The following MKLN1 variants were observed in gnomAD, a reference collection of about 807,000 sequenced individuals.
MKLN1 encodes the protein muskelin 1, also known as muskelin.
A neutral mutation model predicts 99.0 loss-of-function variants in MKLN1; 18 were observed. The observed-to-expected ratio is 0.18, with a 90% CI of 0.13 to 0.27. The LOEUF (loss-of-function observed/expected upper bound fraction) is 0.27, where lower values mean the gene tolerates loss of function less well. MKLN1 is among the 10% of genes least tolerant of loss of function. The pLI, the probability that MKLN1 is intolerant of heterozygous loss-of-function variation, is 1.00. For synonymous variants in MKLN1, 288 were observed against 293.2 expected (o/e 0.98, Z 0.18); for missense variants, 621 against 875.9 (o/e 0.71, Z 3.67).
At chr7:131,328,260 A>C (rs1326693936) in intron 1 of MKLN1, 2 of 470,756 alleles carry the variant, frequency 4.2e-6, no homozygotes, top group African/African-American at 4.0e-5. Context: ...CCGGAAGCCC[A>C]GCGGTTCTGC....
chr7:131,205,450 G>T (rs1796795780), intron 3 of MKLN1, among the ~76,000 whole-genome samples: 1 of 152,148 alleles, frequency 6.6e-6, no homozygotes, highest in African/African-American at 2.4e-5. Flanking sequence ...AACTGAAGGG[G>T]TGTATTAGTT....
chr7:131,111,886 G>A (rs778667148), intron 1 of MKLN1, among the ~76,000 whole-genome samples: 3 of 152,216 alleles, frequency 2.0e-5, no homozygotes, highest in African/African-American at 7.2e-5. Flanking sequence ...GTAATTTTGG[G>A]TTAGCATTGT....
chr7:131,287,831 G>A (rs761590951), intron 3 of MKLN1, among the ~76,000 whole-genome samples: 8 of 152,168 alleles, frequency 5.3e-5, no homozygotes, highest in South Asian at 2.1e-4. Flanking sequence ...TGCTGTTCTC[G>A]TGATAGTGAG....
rs1007455155 is a variant in MKLN1, at chr7:131,389,912, T to A, written c.400+940T>A. 2.3e-3 allele frequency among the ~76,000 whole-genome samples: 349 copies of A among 151,028 alleles called. 1 individual carries two copies. The highest frequency in any genetic ancestry group is 8.1e-3 in the African/African-American group (335 of 41,126). On this transcript the variant is annotated intron_variant, in intron 4 of 17. Coordinates refer to ENST00000352689, the MANE Select transcript of MKLN1 (RefSeq NM_013255.5). ...TCCAAAAAAAAAACCAAAAAAAAAA[T>A]ACTTCTAATTTATAACCATGTTGCA...
At chr7:131,172,926 C>T (rs1327936574) in intron 2 of MKLN1, among the ~76,000 whole-genome samples, 1 of 152,098 alleles carries the variant, frequency 6.6e-6, no homozygotes, top group Non-Finnish European at 1.5e-5. Context: ...TTTTGATCCC[C>T]AGCATATGAG....
chr7:131,137,363 G>T (rs1795664121), intron 1 of MKLN1, among the ~76,000 whole-genome samples: 1 of 152,040 alleles, frequency 6.6e-6, no homozygotes, highest in African/African-American at 2.4e-5. Context: ...ACCTATAATG[G>T]TTTTTTCCAC....
intron 1 of MKLN1, among the ~76,000 whole-genome samples, chr7:131,341,027 T>C (rs1171079871): frequency 3.3e-5 from 5 of 152,214 alleles, no homozygotes; most frequent in African/African-American, 1.2e-4. Context: ...AATGAGACCT[T>C]GAAAAATTTA....
chr7:131,337,859 A>G (rs1799295660), intron 1 of MKLN1, among the ~76,000 whole-genome samples: 1 of 152,040 alleles, frequency 6.6e-6, no homozygotes, highest in African/African-American at 2.4e-5. Context: ...AGTGCCAGAC[A>G]TTATATGCAG....
At chr7:131,205,251 C>G (rs954573909) in intron 3 of MKLN1, among the ~76,000 whole-genome samples, 1 of 152,184 alleles carries the variant, frequency 6.6e-6, no homozygotes, top group Admixed American at 6.5e-5. Context: ...TAGGATTTAA[C>G]AGTCTAATTG....
chr7:131,411,387 A>G lies in MKLN1; in HGVS notation c.781+4A>G. The G allele has an allele frequency of 1.3e-6, 2 of 1,579,670 alleles. No homozygotes were observed. The highest frequency in any genetic ancestry group is 1.1e-5 in the South Asian group (1 of 90,304). ...ATCATTCCCAAAAGTACCAAAGGTA[A>G]GCCATACCTTCTAGATTGTAGTTCT... On this transcript the variant is annotated splice_donor_region_variant and intron_variant, in intron 7 of 17. Transcript: ENST00000352689.
chr7:131,186,606 CTGTTT>C (rs1351438069), intron 2 of MKLN1, among the ~76,000 whole-genome samples: 2 of 152,114 alleles, frequency 1.3e-5, no homozygotes, highest in Admixed American at 1.3e-4. Context: ...GGCTTACGGT[CTGTTT>C]TATTACTTTA....
chr7:131,328,126 C>T, intron 1 of MKLN1, 129 bp downstream of exon 1: 2 of 1,162,148 alleles, frequency 1.7e-6, no homozygotes, highest in East Asian at 2.6e-5. Context: ...GTGCGGCCTC[C>T]GGAGTCTTAG....
intron 6 of MKLN1, among the ~76,000 whole-genome samples, chr7:131,407,735 T>G (rs71578972): frequency 1.3e-5 from 2 of 151,504 alleles, no homozygotes; most frequent in Non-Finnish European, 1.5e-5. Context: ...TGTGCCTTTG[T>G]GTATGCTGTA....
intron 17 of MKLN1, among the ~76,000 whole-genome samples, chr7:131,486,532 A>G (rs930233749): frequency 2.0e-5 from 3 of 152,104 alleles, no homozygotes; most frequent in African/African-American, 7.2e-5. Context: ...CTGTTCTTTT[A>G]CAAGACTAAA....
intron 3 of MKLN1, among the ~76,000 whole-genome samples, chr7:131,283,451 A>G (rs1375558011): frequency 7.5e-6 from 1 of 134,156 alleles, no homozygotes; most frequent in Non-Finnish European, 1.6e-5. Flanking sequence ...TTTTTTTGAG[A>G]CAGCATCTCA....
Position 131,387,169 on chromosome 7 carries a change from T to G in MKLN1, c.218T>G (p.Phe73Cys). 6.2e-7 allele frequency: 1 copy of G among 1,612,632 alleles called. No homozygotes were observed. ...ERPAIVQNIT[F>C]GKYEKTHVCN... ...CCTGCTATAGTTCAGAATATCACAT[T>G]TGGAAAATATGAGAAAACTCATGTT... The change falls in exon 3 of 18, where the codon TTT becomes TGT. Residue 73 changes from phenylalanine (F) to cysteine (C), a missense_variant. Coordinates refer to ENST00000352689, the MANE Select transcript of MKLN1 (RefSeq NM_013255.5).
intron 1 of MKLN1, among the ~76,000 whole-genome samples, chr7:131,115,620 GC>G (rs1300824852): frequency 6.6e-6 from 1 of 152,054 alleles, no homozygotes; most frequent in African/African-American, 2.4e-5. Context: ...CCTCCTCCAT[GC>G]AGGGCCCGTG....
intron 3 of MKLN1, among the ~76,000 whole-genome samples, chr7:131,229,370 G>A (rs550535457): frequency 1.9e-4 from 28 of 150,312 alleles, no homozygotes; most frequent in Admixed American, 1.3e-3. Flanking sequence ...CCCCACACCC[G>A]ATTGGTTGAG....
chr7:131,329,626 C>G (rs1261451799), intron 1 of MKLN1, among the ~76,000 whole-genome samples: 1 of 152,166 alleles, frequency 6.6e-6, no homozygotes, highest in Non-Finnish European at 1.5e-5. Context: ...CAGGACGTCA[C>G]TCCTTAAATT....
Sources: gnomAD v4.1 joint callset for allele counts (sites outside exome capture counted in the v4.1 genomes callset) on GRCh38, gnomAD v4.1.1 for gene constraint, MANE v1.5 for transcripts, NCBI Gene and HGNC (gene_info 2026-07-23, HGNC 2026-07-21) for gene names.